Variants in IQCK observed in about 807,000 individuals in gnomAD.
IQCK encodes the protein IQ domain-containing protein K.
IQCK carries 29 observed loss-of-function variants against 28.1 expected under a neutral mutation model. The observed-to-expected ratio is 1.03, with a 90% CI of 0.77 to 1.41. IQCK has a LOEUF of 1.41. Among genes scored for constraint, IQCK ranks in the 40% most tolerant of loss-of-function variants. The pLI is 0.00. For missense variants in IQCK, 359 were observed against 314.7 expected, an observed-to-expected ratio of 1.14 and a Z score of -1.07; for synonymous variants, 113 against 115.1, an observed-to-expected ratio of 0.98 and a Z score of 0.12.
At chr16:19,784,350 G>A (rs1435524118) in intron 6 of IQCK, among the ~76,000 whole-genome samples, 1 of 152,112 alleles carries the variant, frequency 6.6e-6, no homozygotes, top group Non-Finnish European at 1.5e-5. Context: ...TGGGCAGTTT[G>A]CATTCTCAGC....
intron 7 of IQCK, among the ~76,000 whole-genome samples, chr16:19,823,945 AAT>A: frequency 1.3e-5 from 2 of 151,922 alleles, no homozygotes; most frequent in African/African-American, 4.8e-5. Flanking sequence ...AAAATAAATA[AAT>A]AAATAAATAA....
intron 9 of IQCK, among the ~76,000 whole-genome samples, chr16:19,836,691 T>G (rs1475270377): frequency 4.6e-5 from 7 of 152,172 alleles, no homozygotes; most frequent in South Asian, 2.1e-4. Flanking sequence ...TTTTTGTATT[T>G]TTAGTAGAGA....
intron 6 of IQCK, among the ~76,000 whole-genome samples, chr16:19,777,201 T>TG (rs1278240642): frequency 1.3e-5 from 2 of 151,288 alleles, no homozygotes; most frequent in South Asian, 2.1e-4. Flanking sequence ...AAAAAAAAGG[T>TG]GGGGGGCTGG....
At chr16:19,779,177 G>A (rs754729119) in intron 6 of IQCK, among the ~76,000 whole-genome samples, 2 of 152,124 alleles carry the variant, frequency 1.3e-5, no homozygotes, top group Non-Finnish European at 2.9e-5. Context: ...AGATCAGTCC[G>A]GCAGCTGGAT....
At chr16:19,820,702 C>T (rs2056060819) in intron 7 of IQCK, among the ~76,000 whole-genome samples, 1 of 150,090 alleles carries the variant, frequency 6.7e-6, no homozygotes, top group South Asian at 2.1e-4. Context: ...AAACCTTTTG[C>T]ATCAAAGTAC....
downstream of IQCK, among the ~76,000 whole-genome samples, chr16:19,829,095 G>C (rs906635735): frequency 6.7e-6 from 1 of 149,926 alleles, no homozygotes; most frequent in Admixed American, 6.7e-5. Flanking sequence ...TTGGACCAGA[G>C]GGGTGGAACC....
chr16:19,854,024 T>A (rs2056522090), intron 9 of IQCK, among the ~76,000 whole-genome samples: 1 of 152,202 alleles, frequency 6.6e-6, no homozygotes, highest in African/African-American at 2.4e-5. Context: ...CTCTTCAGGG[T>A]CCTACAGTCA....
chr16:19,823,886 T>A, intron 7 of IQCK, among the ~76,000 whole-genome samples: 1 of 151,734 alleles, frequency 6.6e-6, no homozygotes, highest in East Asian at 1.9e-4. Flanking sequence ...TGAGGTGAGA[T>A]CACACCACTG....
intron 4 of IQCK, among the ~76,000 whole-genome samples, chr16:19,745,056 C>T (rs1211362372): frequency 6.6e-6 from 1 of 152,150 alleles, no homozygotes; most frequent in African/African-American, 2.4e-5. Context: ...CCTTTGCTCT[C>T]CTATATTTAA....
intron 7 of IQCK, among the ~76,000 whole-genome samples, chr16:19,819,869 A>G (rs948672006): frequency 1.3e-5 from 2 of 151,874 alleles, no homozygotes; most frequent in Admixed American, 6.6e-5. Flanking sequence ...GAAAGTCCAT[A>G]CAGTTTAACT....
chr16:19,756,401 A>G (rs1367298506), intron 4 of IQCK, among the ~76,000 whole-genome samples: 4 of 152,198 alleles, frequency 2.6e-5, no homozygotes, highest in African/African-American at 7.2e-5. Flanking sequence ...TCACAGCAAA[A>G]TCGAGCCGAA....
chr16:19,849,261 G>GT (rs71146276), intron 9 of IQCK, among the ~76,000 whole-genome samples: 34,108 of 142,086 alleles, frequency 0.24, 4,006 homozygotes, highest in Admixed American at 0.3. Context: ...CTATGTTCAG[G>GT]TTTTTTTTTT....
At chr16:19,846,345 G>A (rs1225930693) in intron 9 of IQCK, among the ~76,000 whole-genome samples, 3 of 152,042 alleles carry the variant, frequency 2.0e-5, no homozygotes, top group Non-Finnish European at 4.4e-5. Flanking sequence ...GGTTTGATTT[G>A]GTGGCTTCCT....
chr16:19,728,635 G>T (rs1597497307), intron 1 of IQCK, among the ~76,000 whole-genome samples: 1 of 152,304 alleles, frequency 6.6e-6, no homozygotes, highest in East Asian at 1.9e-4. Context: ...GAAGATCACA[G>T]CTTTGGCTGA....
At chr16:19,830,965 C>G (rs1175710408), downstream of IQCK, among the ~76,000 whole-genome samples, 1 of 152,206 alleles carries the variant, frequency 6.6e-6, no homozygotes, top group African/African-American at 2.4e-5. Flanking sequence ...CATGGGCTTT[C>G]ATGTAGGACC....
intron 6 of IQCK, among the ~76,000 whole-genome samples, chr16:19,770,591 T>G (rs888440488): frequency 3.3e-5 from 5 of 149,852 alleles, no homozygotes; most frequent in African/African-American, 1.2e-4. Flanking sequence ...TCTCTGACCC[T>G]CTTTCTTAGT....
At chr16:19,730,543 A>G (rs1977800635) in intron 2 of IQCK, 49 bp downstream of exon 2, 1 of 1,380,154 alleles carries the variant, frequency 7.2e-7, no homozygotes, top group Non-Finnish European at 1.0e-6. Context: ...TTAAATGAGA[A>G]TAGCATTGAT....
At chr16:19,727,141 AAAG>A (rs1195222982) in intron 1 of IQCK, among the ~76,000 whole-genome samples, 8 of 147,310 alleles carry the variant, frequency 5.4e-5, no homozygotes, top group African/African-American at 1.6e-4. Flanking sequence ...AAAAAAAAAA[AAAG>A]AAAGAAAGAA....
chr16:19,743,767 T>A (rs1455829965), intron 4 of IQCK, among the ~76,000 whole-genome samples: 3 of 151,950 alleles, frequency 2.0e-5, no homozygotes, highest in African/African-American at 7.3e-5. Context: ...AAAGCAGAGG[T>A]CAGATTCTGA....
Sources: gnomAD v4.1 joint callset for allele counts (sites outside exome capture counted in the v4.1 genomes callset) on GRCh38, gnomAD v4.1.1 for gene constraint, MANE v1.5 for transcripts, NCBI Gene and HGNC (gene_info 2026-07-23, HGNC 2026-07-21) for gene names.